KALRN: variants seen among roughly 807,000 people sequenced by gnomAD.
The protein encoded by KALRN is kalirin RhoGEF kinase, also known as kalirin.
Under a neutral mutation model 353.7 loss-of-function variants are expected in KALRN, and 70 were observed. That is an observed-to-expected ratio of 0.20 (90% CI 0.16 to 0.24). The LOEUF is 0.24. Ranked by LOEUF, KALRN falls within the 10% of genes least tolerant of loss-of-function variation. The pLI is 1.00. For missense variants in KALRN, 2,791 were observed against 3,756.7 expected (o/e 0.74, Z 6.72); for synonymous variants, 1,391 against 1,434.8 (o/e 0.97, Z 0.69).
intron 10 of KALRN, among the ~76,000 whole-genome samples, chr3:124,378,374 G>A (rs2086868997): frequency 6.6e-6 from 1 of 151,822 alleles, no homozygotes; most frequent in Non-Finnish European, 1.5e-5. Flanking sequence ...ACTTATATAT[G>A]TACCATAAAT....
At position 124,610,900 on chromosome 3, in the gene KALRN, C is replaced by T. The variant is rs542057026; in HGVS notation, c.5183-21520C>T. Reference sequence around the variant, plus strand: ...AAAATTAGCCAGGTGTGGTGGCGCACACTGTGGTCCCAATTACTGGGAAGC... The same window carrying T: ...AAAATTAGCCAGGTGTGGTGGCGCATACTGTGGTCCCAATTACTGGGAAGC... On this transcript the variant is annotated intron_variant, in intron 34 of 59. Transcript: ENST00000682506. Among the ~76,000 whole-genome samples, 85 of 152,088 alleles carry T rather than the reference C, an allele frequency of 5.6e-4. No homozygotes were observed. In the Middle Eastern group the frequency reaches 0.014, roughly 24 times the overall value.
Position 124,674,564 on chromosome 3 carries a change from G to C in KALRN, c.7143G>C (p.Leu2381=). ...AAEGWVPGSI[L]APLTKATAAE... Reference sequence around the variant, plus strand: ...AGGGCTGGGTCCCAGGCAGCATCCTGGCGCCCCTCACCAAAGCCACAGCAG... The same window carrying C: ...AGGGCTGGGTCCCAGGCAGCATCCTCGCGCCCCTCACCAAAGCCACAGCAG... Residue 2381 remains leucine (L), a synonymous_variant, in exon 49 of 60, where the codon CTG becomes CTC. Transcript: ENST00000682506. 6.2e-7 allele frequency: 1 copy of C among 1,609,922 alleles called. No individual in the cohort carries two copies.
At chr3:124,068,182 C>A (rs2042534375) in intron 1 of KALRN, among the ~76,000 whole-genome samples, 1 of 152,190 alleles carries the variant, frequency 6.6e-6, no homozygotes, top group Admixed American at 6.5e-5. Flanking sequence ...GTTCTAGGAT[C>A]TAGATCCCAA....
chr3:124,226,723 G>A (rs941012755), intron 1 of KALRN, among the ~76,000 whole-genome samples: 2 of 152,130 alleles, frequency 1.3e-5, no homozygotes, highest in Admixed American at 6.5e-5. Context: ...CAAAATTCCC[G>A]GATGGGTTTC....
At chr3:124,392,921 A>G (rs1023168454) in intron 11 of KALRN, among the ~76,000 whole-genome samples, 9 of 144,462 alleles carry the variant, frequency 6.2e-5, no homozygotes, top group Non-Finnish European at 1.2e-4. Flanking sequence ...ATATCTCCCA[A>G]TGCTATCCCT....
At chr3:124,252,639 GAA>G (rs2071337302) in intron 3 of KALRN, among the ~76,000 whole-genome samples, 1 of 152,202 alleles carries the variant, frequency 6.6e-6, no homozygotes. Context: ...TAACTCTTTG[GAA>G]TAATAACCTG....
chr3:124,368,087 G>A (rs1316811202), intron 10 of KALRN, among the ~76,000 whole-genome samples: 1 of 58,698 alleles, frequency 1.7e-5, no homozygotes, highest in Admixed American at 1.6e-4. Context: ...GGCCAGGCGG[G>A]GGGCTGACCC....
chr3:124,618,932 A>AT (rs2078960932), intron 34 of KALRN, among the ~76,000 whole-genome samples: 1 of 152,206 alleles, frequency 6.6e-6, no homozygotes, highest in Non-Finnish European at 1.5e-5. Flanking sequence ...TCACTTGAAA[A>AT]TAGTAAGCAT....
chr3:124,138,055 GCT>G (rs2066153132), intron 1 of KALRN, among the ~76,000 whole-genome samples: 1 of 152,174 alleles, frequency 6.6e-6, no homozygotes, highest in Non-Finnish European at 1.5e-5. Context: ...CCCCCAGCAG[GCT>G]GGTATCTCAA....
At chr3:124,405,801 A>G (rs775983722) in intron 13 of KALRN, among the ~76,000 whole-genome samples, 12 of 151,874 alleles carry the variant, frequency 7.9e-5, no homozygotes, top group Non-Finnish European at 1.6e-4. Flanking sequence ...CCACCACCAC[A>G]CCCGGCTAAT....
At chr3:124,228,758 A>T (rs2078849831) in intron 2 of KALRN, among the ~76,000 whole-genome samples, 1 of 152,214 alleles carries the variant, frequency 6.6e-6, no homozygotes, top group African/African-American at 2.4e-5. Context: ...GAAAGTCATT[A>T]TTGCACAGTT....
chr3:124,576,834 G>A (rs1334937475), intron 34 of KALRN, among the ~76,000 whole-genome samples: 1 of 152,160 alleles, frequency 6.6e-6, no homozygotes, highest in African/African-American at 2.4e-5. Flanking sequence ...GCAATCATAA[G>A]TTTACCTTAA....
intron 57 of KALRN, among the ~76,000 whole-genome samples, chr3:124,706,774 T>C (rs937457879): frequency 3.3e-5 from 5 of 151,754 alleles, no homozygotes; most frequent in African/African-American, 1.2e-4. Flanking sequence ...TTCTCCATGT[T>C]GGCCAGGCTG....
intron 51 of KALRN, among the ~76,000 whole-genome samples, chr3:124,683,956 A>G (rs1246912811): frequency 6.6e-6 from 1 of 152,246 alleles, no homozygotes; most frequent in Non-Finnish European, 1.5e-5. Context: ...TATGTTTTGT[A>G]GTAAAATATA....
chr3:124,389,532 CTG>C (rs560544890), intron 11 of KALRN, among the ~76,000 whole-genome samples: 5 of 152,206 alleles, frequency 3.3e-5, no homozygotes, highest in Non-Finnish European at 7.4e-5. Context: ...AAATGTCTAA[CTG>C]TTTCATCACA....
intron 1 of KALRN, chr3:124,152,867 G>A (rs142170210): frequency 1.1e-4 from 22 of 202,858 alleles, no homozygotes; most frequent in Middle Eastern, 2.2e-3. Flanking sequence ...CACCCGCCTC[G>A]GCCTCTCAAA....
rs181578368 is a variant in KALRN at position 124,168,670 on chromosome 3, C to T, written c.74-59320C>T. On this transcript the variant is annotated intron_variant, in intron 1 of 59. Coordinates refer to ENST00000682506, the MANE Select transcript of KALRN (RefSeq NM_001388419.1). ...TCTGCTTATCTCTTGGTCAACTTTC[C>T]GTCTGCTTCCTCTCATGTCTTTGCA... Among the ~76,000 whole-genome samples, 23 of 152,252 alleles carry T rather than the reference C, an allele frequency of 1.5e-4. 1 individual carries two copies. The East Asian group carries it at 4.1e-3, about 27-fold the overall frequency.
intron 33 of KALRN, among the ~76,000 whole-genome samples, chr3:124,515,674 G>C (rs2066454762): frequency 1.3e-5 from 2 of 152,178 alleles, no homozygotes; most frequent in Non-Finnish European, 2.9e-5. Flanking sequence ...TCTAAGCTGA[G>C]AGCTGTTTTC....
chr3:124,527,425 C>T (rs1039103200), intron 33 of KALRN, among the ~76,000 whole-genome samples: 35 of 151,828 alleles, frequency 2.3e-4, no homozygotes, highest in East Asian at 9.7e-4. Flanking sequence ...CTGGCTAACA[C>T]GGTGAAACCC....
Sources: allele counts gnomAD v4.1 joint callset (sites outside exome capture counted in the v4.1 genomes callset), GRCh38; gene constraint gnomAD v4.1.1; transcripts MANE v1.5; gene names NCBI Gene and HGNC (gene_info 2026-07-23, HGNC 2026-07-21).